Variants in FIGN observed in about 807,000 individuals in gnomAD.
FIGN encodes fidgetin, microtubule severing factor, also known as fidgetin.
A neutral mutation model predicts 51.3 loss-of-function variants in FIGN; 11 were observed. The ratio of observed to expected loss-of-function variants is 0.21; its 90% CI spans 0.13 to 0.35. The LOEUF (loss-of-function observed/expected upper bound fraction) is 0.35, where lower values mean the gene tolerates loss of function less well. Ranked by LOEUF, FIGN falls within the 10% of genes least tolerant of loss-of-function variation. FIGN has a pLI of 1.00. For missense variants in FIGN, 857 were observed against 943.6 expected (o/e 0.91, Z 1.20); for synonymous variants, 407 against 363.2 (o/e 1.12, Z -1.37).
At chr2:163,711,036 C>G (rs1242754161) in intron 2 of FIGN, among the ~76,000 whole-genome samples, 1 of 152,024 alleles carries the variant, frequency 6.6e-6, no homozygotes, top group African/African-American at 2.4e-5. Flanking sequence ...CATAGACACA[C>G]AACATAAGAA....
At chr2:163,677,906 T>C (rs935528858) in intron 2 of FIGN, among the ~76,000 whole-genome samples, 1 of 152,208 alleles carries the variant, frequency 6.6e-6, no homozygotes, top group African/African-American at 2.4e-5. Flanking sequence ...ATGCAATATA[T>C]ACTGAATAAC....
chr2:163,734,842 TG>T, intron 2 of FIGN, 60 bp downstream of exon 2: 1 of 1,510,434 alleles, frequency 6.6e-7, no homozygotes, highest in Non-Finnish European at 9.1e-7. Context: ...GGTTTTATCA[TG>T]CTATTTCATT....
At chr2:163,619,009 T>C (rs148484222) in intron 2 of FIGN, among the ~76,000 whole-genome samples, 2 of 152,298 alleles carry the variant, frequency 1.3e-5, no homozygotes, top group Admixed American at 6.5e-5. Flanking sequence ...TGATACAGTG[T>C]CATTAGTACA....
chr2:163,650,549 AC>A (rs1214683476), intron 2 of FIGN, among the ~76,000 whole-genome samples: 2 of 151,324 alleles, frequency 1.3e-5, no homozygotes, highest in Non-Finnish European at 2.9e-5. Context: ...CCAGCCCCCA[AC>A]CCCCAACAGG....
intron 2 of FIGN, among the ~76,000 whole-genome samples, chr2:163,617,441 G>A (rs1180753828): frequency 6.6e-6 from 1 of 152,060 alleles, no homozygotes; most frequent in Non-Finnish European, 1.5e-5. Context: ...CAATTTCACA[G>A]TCTAAATTCT....
chr2:163,710,982 T>C (rs1684579080), intron 2 of FIGN, among the ~76,000 whole-genome samples: 1 of 152,158 alleles, frequency 6.6e-6, no homozygotes. Flanking sequence ...TTTTTATTAC[T>C]TCACTAAAAC....
chr2:163,653,227 C>G (rs1445155059), intron 2 of FIGN, among the ~76,000 whole-genome samples: 1 of 151,984 alleles, frequency 6.6e-6, no homozygotes, highest in Non-Finnish European at 1.5e-5. Context: ...ATAAATATCA[C>G]CTCTTTCTAT....
At chr2:163,717,884 A>C (rs1471135103) in intron 2 of FIGN, among the ~76,000 whole-genome samples, 1 of 152,206 alleles carries the variant, frequency 6.6e-6, no homozygotes, top group Non-Finnish European at 1.5e-5. Context: ...CCTTTCTTGA[A>C]ATGTAAATGA....
At position 163,602,696 on chromosome 2, in the gene FIGN, T is replaced by G. The variant is rs1198180959; in HGVS notation, c.*6856A>C. ...TAGTAGCATAGCCATATACAACAAA[T>G]TTTACAATAGAGAAAACTTTTCATA... On this transcript the variant is annotated 3_prime_UTR_variant, in exon 3 of 3. Transcript: ENST00000333129. 6.6e-6 allele frequency: 1 copy of G among 152,010 alleles called. No homozygotes were observed. Among genetic ancestry groups the G allele is most frequent in the Non-Finnish European group, 1.5e-5 (1 of 67,964 alleles). The allele number at this position is 152,010 out of a possible 1,614,324, so 9.4% of individuals were successfully genotyped here.
chr2:163,673,688 A>G (rs1361070463), intron 2 of FIGN, among the ~76,000 whole-genome samples: 3 of 152,156 alleles, frequency 2.0e-5, no homozygotes, highest in Non-Finnish European at 4.4e-5. Context: ...TCTCTGGGGC[A>G]GGGACGGGGT....
At position 163,604,496 on chromosome 2, in the gene FIGN, C is replaced by T. The variant is rs1010525067; in HGVS notation, c.*5056G>A. On this transcript the variant is annotated 3_prime_UTR_variant, in exon 3 of 3. Coordinates refer to ENST00000333129, the MANE Select transcript of FIGN (RefSeq NM_018086.4). Reference sequence around the variant, plus strand: ...TCTACCCTGCCACACTTCACTAATGCGTCTTATCATTTAGGTTGCTAATAC... The same window carrying T: ...TCTACCCTGCCACACTTCACTAATGTGTCTTATCATTTAGGTTGCTAATAC... 16 of 152,038 alleles carry T rather than the reference C, an allele frequency of 1.1e-4. 1 individual carries two copies. The highest frequency in any genetic ancestry group is 1.5e-4 in the Non-Finnish European group (10 of 67,980). 9.4% of individuals were successfully genotyped at this position (152,038 alleles called of 1,614,324 possible). A position where few individuals can be genotyped will look rare whatever the true frequency, so the allele number is the denominator to read the frequency against.
chr2:163,653,204 TA>T (rs1683505669), intron 2 of FIGN, among the ~76,000 whole-genome samples: 1 of 152,096 alleles, frequency 6.6e-6, no homozygotes, highest in Non-Finnish European at 1.5e-5. Flanking sequence ...GACTGGCATA[TA>T]ATAGGGACTC....
chr2:163,657,656 T>A (rs534461707), intron 2 of FIGN, among the ~76,000 whole-genome samples: 1 of 152,110 alleles, frequency 6.6e-6, no homozygotes, highest in African/African-American at 2.4e-5. Context: ...CAGCAACGAG[T>A]TCTTCCACTT....
chr2:163,653,309 C>G (rs1683507125), intron 2 of FIGN, among the ~76,000 whole-genome samples: 1 of 151,988 alleles, frequency 6.6e-6, no homozygotes, highest in Admixed American at 6.6e-5. Flanking sequence ...TCCACCCATG[C>G]TACACATTCA....
At chr2:163,732,993 G>T (rs1396385717) in intron 2 of FIGN, among the ~76,000 whole-genome samples, 1 of 152,130 alleles carries the variant, frequency 6.6e-6, no homozygotes, top group South Asian at 2.1e-4. Flanking sequence ...CCTTTAGGCC[G>T]CACATTTGAG....
At chr2:163,703,072 G>T in intron 2 of FIGN, among the ~76,000 whole-genome samples, 1 of 149,798 alleles carries the variant, frequency 6.7e-6, no homozygotes, top group Non-Finnish European at 1.5e-5. Context: ...AGCTGAGACT[G>T]TTACAAGCGG....
At chr2:163,616,618 C>CA (rs1171080753) in intron 2 of FIGN, among the ~76,000 whole-genome samples, 3 of 152,126 alleles carry the variant, frequency 2.0e-5, no homozygotes, top group Admixed American at 2.0e-4. Flanking sequence ...GCATAGCACT[C>CA]ACACAGGCCT....
chr2:163,621,488 T>A (rs1039205578), intron 2 of FIGN, among the ~76,000 whole-genome samples: 31 of 152,116 alleles, frequency 2.0e-4, no homozygotes, highest in African/African-American at 7.5e-4. Flanking sequence ...GAAATGAGTT[T>A]TGGTAGGTTA....
chr2:163,620,429 C>T (rs1428304853), intron 2 of FIGN, among the ~76,000 whole-genome samples: 4 of 152,086 alleles, frequency 2.6e-5, no homozygotes, highest in Non-Finnish European at 5.9e-5. Flanking sequence ...GAGCACTACC[C>T]TTGTTCTGCA....
Sources: gnomAD v4.1 joint callset for allele counts (sites outside exome capture counted in the v4.1 genomes callset) on GRCh38, gnomAD v4.1.1 for gene constraint, MANE v1.5 for transcripts, NCBI Gene and HGNC (gene_info 2026-07-23, HGNC 2026-07-21) for gene names.